Variants in PTPRG observed in about 807,000 individuals in gnomAD.
PTPRG encodes the protein receptor-type tyrosine-protein phosphatase gamma.
A neutral mutation model predicts 165.3 loss-of-function variants in PTPRG; 102 were observed. That is an observed-to-expected ratio of 0.62 (90% confidence interval 0.53 to 0.73). The LOEUF (loss-of-function observed/expected upper bound fraction) is 0.73, where lower values mean the gene tolerates loss of function less well. Among genes scored for constraint, PTPRG ranks in the 30% least tolerant of loss-of-function variants. PTPRG has a pLI of 0.00. For synonymous variants in PTPRG, 675 were observed against 669.5 expected (o/e 1.01, Z -0.13); for missense variants, 1,866 against 1,861.4 (o/e 1.00, Z -0.05).
chr3:61,607,724 T>A (rs958297168), intron 1 of PTPRG, among the ~76,000 whole-genome samples: 1 of 152,202 alleles, frequency 6.6e-6, no homozygotes, highest in Non-Finnish European at 1.5e-5. Flanking sequence ...TTTATCAGTT[T>A]GAGGGCCCAC....
chr3:61,779,080 G>C (rs990749251), intron 2 of PTPRG, among the ~76,000 whole-genome samples: 4 of 152,068 alleles, frequency 2.6e-5, no homozygotes, highest in African/African-American at 9.7e-5. Context: ...ACACACACAC[G>C]TTCTAAGGGA....
At chr3:61,792,274 C>T (rs1388517876) in intron 2 of PTPRG, among the ~76,000 whole-genome samples, 2 of 152,116 alleles carry the variant, frequency 1.3e-5, no homozygotes, top group East Asian at 3.9e-4. Flanking sequence ...CATCACAACT[C>T]ACTGCAGCCT....
chr3:61,929,272 G>C (rs1276092384), intron 2 of PTPRG, among the ~76,000 whole-genome samples: 1 of 151,984 alleles, frequency 6.6e-6, no homozygotes. Flanking sequence ...TTCTCTCTCT[G>C]GGAATGAATA....
chr3:61,984,461 G>A (rs1351781099), intron 2 of PTPRG, among the ~76,000 whole-genome samples: 3 of 152,106 alleles, frequency 2.0e-5, no homozygotes, highest in Non-Finnish European at 4.4e-5. Context: ...CCATAAATCA[G>A]TGCCCATCTC....
chr3:62,102,815 G>C (rs1480675118), intron 5 of PTPRG, among the ~76,000 whole-genome samples: 4 of 152,180 alleles, frequency 2.6e-5, no homozygotes, highest in African/African-American at 4.8e-5. Flanking sequence ...AAAAAGAAGT[G>C]TATTGTGCTG....
At chr3:61,584,930 G>A (rs1470637109) in intron 1 of PTPRG, among the ~76,000 whole-genome samples, 2 of 152,124 alleles carry the variant, frequency 1.3e-5, no homozygotes, top group Non-Finnish European at 2.9e-5. Context: ...TAATCTCCAC[G>A]TTTCTTCATA....
chr3:61,817,166 TATA>T (rs67697849), intron 2 of PTPRG, among the ~76,000 whole-genome samples: 28,789 of 129,546 alleles, frequency 0.22, 3,395 homozygotes, highest in East Asian at 0.35. Context: ...ATATATAATA[TATA>T]ATAATATATA....
chr3:62,204,003 C>T, intron 12 of PTPRG, 53 bp downstream of exon 12: 1 of 1,501,434 alleles, frequency 6.7e-7, no homozygotes, highest in South Asian at 1.4e-5. Context: ...ATAGTCGTAC[C>T]CTTTTTCAAA....
At chr3:61,942,657 A>C (rs759678669) in intron 2 of PTPRG, among the ~76,000 whole-genome samples, 1 of 152,222 alleles carries the variant, frequency 6.6e-6, no homozygotes, top group Non-Finnish European at 1.5e-5. Flanking sequence ...TTGTGAACAC[A>C]GCTATTACAC....
chr3:61,756,490 T>C (rs1325782592), intron 2 of PTPRG, among the ~76,000 whole-genome samples: 1 of 152,210 alleles, frequency 6.6e-6, no homozygotes, highest in Non-Finnish European at 1.5e-5. Flanking sequence ...AATTTTTCAA[T>C]ACTTGGCCAA....
chr3:62,113,100 A>G (rs575052131), intron 5 of PTPRG, among the ~76,000 whole-genome samples: 1 of 152,192 alleles, frequency 6.6e-6, no homozygotes, highest in Admixed American at 6.5e-5. Flanking sequence ...GTTTAGTGCA[A>G]CATCTTCTTG....
rs75986466 is a variant in PTPRG at position 61,598,269 on chromosome 3, C to T, written c.85+35897C>T. Among the ~76,000 whole-genome samples the T allele has an allele frequency of 4.6e-3, 698 of 152,226 alleles. 4 individuals carry two copies. The highest frequency in any genetic ancestry group is 0.014 in the African/African-American group (580 of 41,526). ...GGCTAGGAATGTTGATGAATGGGTC[C>T]GCATTTCCCCTTGGGTGTTTTTATT... On this transcript the variant is annotated intron_variant, in intron 1 of 29. Coordinates refer to ENST00000474889, the MANE Select transcript of PTPRG (RefSeq NM_002841.4).
At chr3:62,185,297 G>C (rs577679721) in intron 8 of PTPRG, among the ~76,000 whole-genome samples, 2 of 152,168 alleles carry the variant, frequency 1.3e-5, no homozygotes, top group Non-Finnish European at 2.9e-5. Flanking sequence ...GCCTCACAGG[G>C]GATATTTGTT....
At chr3:61,715,794 A>C (rs2031776890) in intron 1 of PTPRG, among the ~76,000 whole-genome samples, 1 of 152,200 alleles carries the variant, frequency 6.6e-6, no homozygotes, top group Non-Finnish European at 1.5e-5. Context: ...ACACATGATC[A>C]CACGCCTCTG....
chr3:62,157,232 T>C lies in PTPRG; in HGVS notation c.840+8T>C, dbSNP rs900829557. 6.2e-7 allele frequency: 1 copy of C among 1,610,946 alleles called. No homozygotes were observed. The highest frequency in any genetic ancestry group is 1.3e-5 in the African/African-American group (1 of 74,848). ...CCCATCTCTTACCATCAGGTAGATA[T>C]TCTTCCTCAAGTGGGGTTTCTGTGT... On this transcript the variant is annotated splice_region_variant and intron_variant, in intron 7 of 29. Coordinates refer to ENST00000474889, the MANE Select transcript of PTPRG (RefSeq NM_002841.4).
In PTPRG at chr3:62,275,899, T is replaced by C. The variant is rs769118812; in HGVS notation, c.3492T>C (p.Tyr1164=). The C allele has an allele frequency of 4.2e-5, 67 of 1,611,480 alleles. No individual in the cohort carries two copies. In the Admixed American group the frequency reaches 7.7e-4, roughly 18 times the overall value. ...FKLVTQCNAK[Y]VECFSAQKEC... ...TGGTCACACAGTGTAATGCAAAATA[T>C]GTGGAATGTTTCAGTGCTCAGAAAG... Residue 1164 remains tyrosine, a synonymous_variant, in exon 24 of 30, where the codon TAT becomes TAC. Coordinates refer to ENST00000474889, the MANE Select transcript of PTPRG (RefSeq NM_002841.4).
At chr3:62,091,922 C>A (rs1430588189) in intron 5 of PTPRG, among the ~76,000 whole-genome samples, 1 of 152,006 alleles carries the variant, frequency 6.6e-6, no homozygotes, top group Non-Finnish European at 1.5e-5. Flanking sequence ...TCTCTTGTGT[C>A]CCTTCTCTTG....
intron 2 of PTPRG, among the ~76,000 whole-genome samples, chr3:61,931,309 CTTG>C (rs1369129403): frequency 1.3e-5 from 2 of 152,208 alleles, no homozygotes; most frequent in Non-Finnish European, 2.9e-5. Flanking sequence ...AGGTTTATTA[CTTG>C]TTGTGGCTAA....
chr3:61,982,121 C>T (rs2040655816), intron 2 of PTPRG, among the ~76,000 whole-genome samples: 1 of 152,082 alleles, frequency 6.6e-6, no homozygotes, highest in Admixed American at 6.6e-5. Context: ...TCTAAAAGAA[C>T]ATATTAGTCA....
Sources: gnomAD v4.1 joint callset for allele counts (sites outside exome capture counted in the v4.1 genomes callset) on GRCh38, gnomAD v4.1.1 for gene constraint, MANE v1.5 for transcripts, NCBI Gene and HGNC (gene_info 2026-07-23, HGNC 2026-07-21) for gene names.